The following ZCCHC8 variants were observed in gnomAD, a reference collection of about 807,000 sequenced individuals.
ZCCHC8 encodes zinc finger CCHC domain-containing protein 8.
A neutral mutation model predicts 70.6 loss-of-function variants in ZCCHC8; 27 were observed. That is an observed-to-expected ratio of 0.38 (90% CI 0.28 to 0.53). ZCCHC8 has a LOEUF of 0.53. Among genes scored for constraint, ZCCHC8 ranks in the 20% least tolerant of loss-of-function variants. ZCCHC8 has a pLI of 0.81. For synonymous variants in ZCCHC8, 293 were observed against 317.4 expected (o/e 0.92, Z 0.82); for missense variants, 737 against 876.9 (o/e 0.84, Z 2.01).
At chr12:122,487,856 T>TAC in intron 5 of ZCCHC8, among the ~76,000 whole-genome samples, 1 of 151,932 alleles carries the variant, frequency 6.6e-6, no homozygotes, top group South Asian at 2.1e-4. Flanking sequence ...TATCTATACA[T>TAC]ACATATATAT....
In ZCCHC8 at chr12:122,483,144, G is replaced by T; in HGVS notation, c.671+135C>A. Reference sequence around the variant, plus strand: ...TTTAAACATTTAACATATATGTATGGATTAAAATTCTAGCTCAATCTGTAA... The same window carrying T: ...TTTAAACATTTAACATATATGTATGTATTAAAATTCTAGCTCAATCTGTAA... On this transcript the variant is annotated intron_variant, in intron 7 of 13. Transcript: ENST00000633063. The surrounding 1 kb of genome is among the most constrained non-coding windows in gnomAD (Gnocchi z 4.4). 1.3e-6 allele frequency: 1 copy of T among 787,964 alleles called. No individual in the cohort carries two copies. The highest frequency in any genetic ancestry group is 2.0e-6 in the Non-Finnish European group (1 of 495,994). 48.8% of individuals were successfully genotyped at this position (787,964 alleles called of 1,614,324 possible).
chr12:122,498,734 C>A (rs879937684), intron 2 of ZCCHC8, 93 bp downstream of exon 2: 95 of 1,192,766 alleles, frequency 8.0e-5, no homozygotes, highest in Non-Finnish European at 1.1e-4. Context: ...ATACAAAAAT[C>A]CCATACACTT....
intron 1 of ZCCHC8, chr12:122,499,578 G>C (rs1957883720): frequency 2.0e-5 from 3 of 152,272 alleles, no homozygotes; most frequent in Non-Finnish European, 4.4e-5. Context: ...TTACAGGCTT[G>C]AGCCACAGCG....
At position 122,473,301 on chromosome 12, in the gene ZCCHC8, T is replaced by A. The variant is rs887481912; in HGVS notation, c.*196A>T. ...TCATATTCACATCTCCCCCCAAGTT[T>A]TGTCAGTGAGAATAAAATATACTGA... On this transcript the variant is annotated 3_prime_UTR_variant, in exon 14 of 14. Transcript: ENST00000633063. 2 of 618,126 alleles carry A rather than the reference T, an allele frequency of 3.2e-6. No homozygotes were observed. Among genetic ancestry groups the A allele is most frequent in the Non-Finnish European group, 5.4e-6 (2 of 372,256 alleles). 38.3% of individuals were successfully genotyped at this position (618,126 alleles called of 1,614,324 possible).
At position 122,500,755 on chromosome 12, in the gene ZCCHC8, G is replaced by GT; in HGVS notation, c.85dup (p.Thr29AsnfsTer43). ...GTCGCCGTCGTCGTCCTTGAAGCGA[G>GT]TGTGAACGGGCTTCGGAATCGACTC... On this transcript the variant is annotated frameshift_variant, in exon 1 of 14. Coordinates refer to ENST00000633063, the MANE Select transcript of ZCCHC8 (RefSeq NM_017612.5). LOFTEE classifies it high-confidence loss of function. This position sits in a 1 kb window ranked among gnomAD's most constrained non-coding sequence, Gnocchi z 4.8. 6.3e-7 allele frequency: 1 copy of GT among 1,588,854 alleles called. No individual in the cohort carries two copies. The highest frequency in any genetic ancestry group is 8.6e-7 in the Non-Finnish European group (1 of 1,168,036).
Position 122,474,190 on chromosome 12 carries a change from C to T in ZCCHC8, c.1431G>A (p.Arg477=). 6.6e-7 allele frequency: 1 copy of T among 1,511,518 alleles called. No homozygotes were observed. Among genetic ancestry groups the T allele is most frequent in the South Asian group, 1.4e-5 (1 of 70,614 alleles). The allele number at this position is 1,511,518 out of a possible 1,614,324, so 93.6% of individuals were successfully genotyped here. A position where few individuals can be genotyped will look rare whatever the true frequency, so the allele number is the denominator to read the frequency against. ...GGGTGAAGACGGGTGGAGGAGTTCC[C>T]CGGGGGAGTGGAGGAGTGTCAGGAG... The part of the protein sequence containing the change: ...PLPPDTPPLP[R]GTPPPVFTPP... The change falls in exon 14 of 14, where the codon CGG becomes CGA. Residue 477 remains arginine (R), a synonymous_variant. Transcript: ENST00000633063.
chr12:122,489,824 A>C (rs1221318386), intron 4 of ZCCHC8, among the ~76,000 whole-genome samples: 1 of 152,194 alleles, frequency 6.6e-6, no homozygotes, highest in Non-Finnish European at 1.5e-5. Context: ...TTTATTGTTA[A>C]ATGTATTTTG....
chr12:122,482,956 C>T lies in ZCCHC8; in HGVS notation c.672-261G>A, dbSNP rs550143850. 3.9e-4 allele frequency: 201 copies of T among 514,028 alleles called. 1 individual carries two copies. The highest frequency in any genetic ancestry group is 2.5e-4 in the South Asian group (8 of 32,362). The allele number at this position is 514,028 out of a possible 1,614,324, so 31.8% of individuals were successfully genotyped here. ...TTTGAGTTTTTTCAGTGGTTAACAA[C>T]GAAGAATCAAGGTGAACACATTGAT... On this transcript the variant is annotated intron_variant, in intron 7 of 13. Transcript: ENST00000633063.
chr12:122,490,634 G>C, intron 3 of ZCCHC8, 67 bp from the exon 4 acceptor site: 1 of 902,940 alleles, frequency 1.1e-6, no homozygotes, highest in Non-Finnish European at 1.6e-6. Context: ...GAAGTCTTAT[G>C]CATTACTGTA....
Position 122,500,931 on chromosome 12 carries a change from C to G in ZCCHC8, c.-91G>C. 1 of 1,380,834 alleles carries G rather than the reference C, an allele frequency of 7.2e-7. No individual in the cohort carries two copies. Among genetic ancestry groups the G allele is most frequent in the Non-Finnish European group, 9.9e-7 (1 of 1,013,440 alleles). 85.5% of individuals were successfully genotyped at this position (1,380,834 alleles called of 1,614,324 possible). ...GAAGGCGGCACCACTCTCTAGAGCT[C>G]TGGCCGCACGGAGCCACCCGCTAGG... On this transcript the variant is annotated 5_prime_UTR_variant, in exon 1 of 14. Coordinates refer to ENST00000633063, the MANE Select transcript of ZCCHC8 (RefSeq NM_017612.5). The surrounding 1 kb of genome is among the most constrained non-coding windows in gnomAD (Gnocchi z 4.8).
intron 2 of ZCCHC8, among the ~76,000 whole-genome samples, chr12:122,496,645 A>G (rs1364320516): frequency 6.6e-6 from 1 of 152,128 alleles, no homozygotes; most frequent in African/African-American, 2.4e-5. Context: ...CCAGAGGAAC[A>G]TGCCACCACA....
intron 13 of ZCCHC8, among the ~76,000 whole-genome samples, chr12:122,476,120 A>G (rs1325018694): frequency 4.6e-5 from 7 of 152,236 alleles, no homozygotes; most frequent in African/African-American, 1.7e-4. Flanking sequence ...CATTCTGTAT[A>G]TATCACTGTG....
intron 2 of ZCCHC8, among the ~76,000 whole-genome samples, chr12:122,495,524 A>C (rs1317293402): frequency 1.3e-5 from 2 of 152,174 alleles, no homozygotes; most frequent in Middle Eastern, 3.4e-3. Flanking sequence ...AAAACAAACA[A>C]ACAAAACCCA....
chr12:122,493,892 C>T (rs1406310454), intron 2 of ZCCHC8, among the ~76,000 whole-genome samples: 2 of 152,122 alleles, frequency 1.3e-5, no homozygotes, highest in Non-Finnish European at 1.5e-5. Flanking sequence ...GGATTACAGG[C>T]GTGAGCCACC....
At chr12:122,487,871 ATTTT>A (rs1305184248) in intron 5 of ZCCHC8, among the ~76,000 whole-genome samples, 256 of 151,192 alleles carry the variant, frequency 1.7e-3, no homozygotes, top group African/African-American at 5.2e-3. Flanking sequence ...ATATATATAT[ATTTT>A]GTTTGTTTGT....
chr12:122,483,078 A>T lies in ZCCHC8; in HGVS notation c.671+201T>A, dbSNP rs1957567610. 1.7e-6 allele frequency: 1 copy of T among 597,990 alleles called. No homozygotes were observed. Among genetic ancestry groups the T allele is most frequent in the African/African-American group, 1.9e-5 (1 of 53,810 alleles). 37.0% of individuals were successfully genotyped at this position (597,990 alleles called of 1,614,324 possible). Reference sequence around the variant, plus strand: ...TATACCTTTCCACCCACCCAGGCACATTAGGTGAGAACCAATGAATTCCAG... The same window carrying T: ...TATACCTTTCCACCCACCCAGGCACTTTAGGTGAGAACCAATGAATTCCAG... On this transcript the variant is annotated intron_variant, in intron 7 of 13. Coordinates refer to ENST00000633063, the MANE Select transcript of ZCCHC8 (RefSeq NM_017612.5). The surrounding 1 kb of genome is among the most constrained non-coding windows in gnomAD (Gnocchi z 4.4).
At position 122,474,150 on chromosome 12, in the gene ZCCHC8, C is replaced by A. The variant is rs1957369940; in HGVS notation, c.1471G>T (p.Gly491Cys). 1 of 1,509,032 alleles carries A rather than the reference C, an allele frequency of 6.6e-7. No individual in the cohort carries two copies. Among genetic ancestry groups the A allele is most frequent in the South Asian group, 1.4e-5 (1 of 71,402 alleles). The allele number at this position is 1,509,032 out of a possible 1,614,324, so 93.5% of individuals were successfully genotyped here. Reference protein sequence around the residue: ...PPVFTPPLPKGTPPLTPSDSP... With the variant: ...PPVFTPPLPKCTPPLTPSDSP... ...TCACTGGGAGTCAGCGGCGGGGTGC[C>A]CTTTGGGAGTGGAGGGGTGAAGACG... The change falls in exon 14 of 14, where the codon GGC becomes TGC. Residue 491 changes from glycine to cysteine, a missense_variant. Transcript: ENST00000633063.
Position 122,483,066 on chromosome 12 carries a change from C to G in ZCCHC8, c.671+213G>C. 1 of 563,188 alleles carries G rather than the reference C, an allele frequency of 1.8e-6. No homozygotes were observed. 34.9% of individuals were successfully genotyped at this position (563,188 alleles called of 1,614,324 possible). A position where few individuals can be genotyped will look rare whatever the true frequency, so the allele number is the denominator to read the frequency against. On this transcript the variant is annotated intron_variant, in intron 7 of 13. Coordinates refer to ENST00000633063, the MANE Select transcript of ZCCHC8 (RefSeq NM_017612.5). This position sits in a 1 kb window ranked among gnomAD's most constrained non-coding sequence, Gnocchi z 4.4. ...GACAGCAACAATTATACCTTTCCAC[C>G]CACCCAGGCACATTAGGTGAGAACC...
Position 122,473,698 on chromosome 12 carries a change from C to T in ZCCHC8, c.1923G>A (p.Gln641=). 4 of 1,614,008 alleles carry T rather than the reference C, an allele frequency of 2.5e-6. No homozygotes were observed. The highest frequency in any genetic ancestry group is 3.4e-6 in the Non-Finnish European group (4 of 1,179,894). The change falls in exon 14 of 14, where the codon CAG becomes CAA. Residue 641 remains glutamine (Q), a synonymous_variant. Coordinates refer to ENST00000633063, the MANE Select transcript of ZCCHC8 (RefSeq NM_017612.5). The stretch of plus-strand genomic sequence containing the variant: ...GACTGGTGTCTGCAGGAAAGAGCTT[C>T]TGGCTGCCCCCATTGCTGATGTCAC... ...PNCDISNGGS[Q]KLFPADTSPS...
Sources: allele counts gnomAD v4.1 joint callset (sites outside exome capture counted in the v4.1 genomes callset), GRCh38; gene constraint gnomAD v4.1.1; non-coding constraint Gnocchi (gnomAD v3.1); transcripts MANE v1.5; gene names NCBI Gene and HGNC (gene_info 2026-07-23, HGNC 2026-07-21).